Variants in MAGI2 observed in about 807,000 individuals in gnomAD.
MAGI2 encodes the protein membrane associated guanylate kinase, WW and PDZ domain containing 2.
In MAGI2, 35 loss-of-function variants were observed where a neutral mutation model predicts 133.3. The ratio of observed to expected loss-of-function variants is 0.26; its 90% CI spans 0.20 to 0.35. The LOEUF (loss-of-function observed/expected upper bound fraction) is 0.35. Ranked by LOEUF, MAGI2 falls within the 10% of genes least tolerant of loss-of-function variation. The probability of loss-of-function intolerance (pLI) is 1.00; values close to 1 mark genes in which losing one functional copy is unlikely to be tolerated. For missense variants in MAGI2, 1,636 were observed against 1,863.4 expected, an observed-to-expected ratio of 0.88 and a Z score of 2.25; for synonymous variants, 729 against 710.6, an observed-to-expected ratio of 1.03 and a Z score of -0.41.
chr7:78,048,198 G>A (rs891181622), intron 21 of MAGI2, among the ~76,000 whole-genome samples: 4 of 152,134 alleles, frequency 2.6e-5, no homozygotes, highest in African/African-American at 9.7e-5. Flanking sequence ...GCAACCAAAT[G>A]GACATTATGA....
chr7:78,667,645 G>A (rs1300875617), intron 2 of MAGI2, among the ~76,000 whole-genome samples: 1 of 150,846 alleles, frequency 6.6e-6, no homozygotes, highest in East Asian at 2.0e-4. Context: ...GCAGTGTTTG[G>A]TTTTTTGTCC....
At position 78,019,275 on chromosome 7, in the gene MAGI2, G is replaced by A. The variant is rs1450847977; in HGVS notation, c.*40C>T. The A allele has an allele frequency of 2.5e-6, 4 of 1,574,264 alleles. No individual in the cohort carries two copies. The highest frequency in any genetic ancestry group is 3.4e-6 in the Non-Finnish European group (4 of 1,169,058). ...CGTGAGACGGAACCTAAGAAGAACT[G>A]CCTGCGCCGGGGCGGGCGGGTTGGC... is the stretch of plus-strand genomic sequence containing the variant. On this transcript the variant is annotated 3_prime_UTR_variant, in exon 22 of 22. Transcript: ENST00000354212.
chr7:79,198,922 G>T (rs921266616), intron 1 of MAGI2, among the ~76,000 whole-genome samples: 2 of 151,742 alleles, frequency 1.3e-5, no homozygotes, highest in African/African-American at 4.9e-5. Flanking sequence ...TAAAAGAGAT[G>T]CAGGACCATT....
intron 2 of MAGI2, among the ~76,000 whole-genome samples, chr7:78,931,148 G>A (rs890049872): frequency 6.6e-6 from 1 of 152,090 alleles, no homozygotes; most frequent in African/African-American, 2.4e-5. Flanking sequence ...ATGTGTAATT[G>A]TCAGCCAGAC....
At position 78,859,245 on chromosome 7, in the gene MAGI2, G is replaced by C. The variant is rs188111221; in HGVS notation, c.418+147845C>G. On this transcript the variant is annotated intron_variant, in intron 2 of 21. Coordinates refer to ENST00000354212, the MANE Select transcript of MAGI2 (RefSeq NM_012301.4). ...GAGCATTTAGCCCATTTACATTTAA[G>C]GTTAATATTGTTATGTGTGAATTTG... Among the ~76,000 whole-genome samples the C allele has an allele frequency of 7.2e-3, 1,097 of 152,152 alleles. 12 individuals carry two copies. Among genetic ancestry groups the C allele is most frequent in the African/African-American group, 0.025 (1,050 of 41,502 alleles).
intron 9 of MAGI2, among the ~76,000 whole-genome samples, chr7:78,312,088 A>G (rs1208852976): frequency 6.6e-6 from 1 of 152,134 alleles, no homozygotes; most frequent in Admixed American, 6.6e-5. Context: ...TAATCTGTTA[A>G]AGGAACAGAA....
Position 78,490,712 on chromosome 7 carries a change from T to C in MAGI2, c.966-872A>G, listed in dbSNP as rs367622527. On this transcript the variant is annotated intron_variant, in intron 5 of 21. Coordinates refer to ENST00000354212, the MANE Select transcript of MAGI2 (RefSeq NM_012301.4). ...CTCCATCACTGGCAAGCACTCCCAG[T>C]ACTTCTTATGCACATTACAATTCAA... 3.9e-5 allele frequency among the ~76,000 whole-genome samples: 6 copies of C among 152,268 alleles called. No individual in the cohort carries two copies. In the South Asian group the frequency reaches 1.2e-3, roughly 32 times the overall value.
intron 21 of MAGI2, among the ~76,000 whole-genome samples, chr7:78,029,586 C>T (rs1809342227): frequency 6.6e-6 from 1 of 152,226 alleles, no homozygotes; most frequent in African/African-American, 2.4e-5. Flanking sequence ...ACCCTGAGTC[C>T]CAACCGCAGA....
chr7:79,176,956 A>G (rs1826153310), intron 1 of MAGI2: 1 of 151,988 alleles, frequency 6.6e-6, no homozygotes, highest in African/African-American at 2.4e-5. Context: ...AGCAAACTGA[A>G]CCTTGTTTTT....
chr7:78,702,899 G>C (rs1054645657), intron 2 of MAGI2, among the ~76,000 whole-genome samples: 5 of 149,768 alleles, frequency 3.3e-5, no homozygotes, highest in Non-Finnish European at 7.4e-5. Flanking sequence ...TGGGGCTAGA[G>C]GCAGATTTGG....
chr7:79,239,570 C>T (rs377063195), intron 1 of MAGI2, among the ~76,000 whole-genome samples: 10 of 152,092 alleles, frequency 6.6e-5, no homozygotes, highest in Admixed American at 6.6e-4. Flanking sequence ...TTTGGAAGAA[C>T]AGAATGTGTA....
intron 7 of MAGI2, among the ~76,000 whole-genome samples, chr7:78,354,720 C>T (rs1288683929): frequency 6.6e-6 from 1 of 151,962 alleles, no homozygotes; most frequent in Non-Finnish European, 1.5e-5. Context: ...ATAGCAATTC[C>T]TTTTATATGC....
At chr7:78,587,096 A>C (rs998514463) in intron 3 of MAGI2, among the ~76,000 whole-genome samples, 1 of 152,210 alleles carries the variant, frequency 6.6e-6, no homozygotes, top group Non-Finnish European at 1.5e-5. Flanking sequence ...GTATATACCC[A>C]GAAGTGAAAT....
chr7:78,395,258 A>G (rs566322808), intron 6 of MAGI2, among the ~76,000 whole-genome samples: 4 of 152,344 alleles, frequency 2.6e-5, no homozygotes, highest in Non-Finnish European at 2.9e-5. Flanking sequence ...AAAAGAGGAT[A>G]AGATATAGTG....
At chr7:79,418,105 G>A (rs1029156138) in intron 1 of MAGI2, among the ~76,000 whole-genome samples, 2 of 151,974 alleles carry the variant, frequency 1.3e-5, no homozygotes, top group Admixed American at 6.6e-5. Flanking sequence ...GAAATTAATC[G>A]TGTCATATTT....
At chr7:79,051,093 T>C (rs576072561) in intron 1 of MAGI2, among the ~76,000 whole-genome samples, 18 of 152,304 alleles carry the variant, frequency 1.2e-4, no homozygotes, top group African/African-American at 4.3e-4. Flanking sequence ...CTGATACTTT[T>C]TTACCAAGTA....
intron 21 of MAGI2, among the ~76,000 whole-genome samples, chr7:78,021,278 T>A (rs566754538): frequency 6.6e-6 from 1 of 152,278 alleles, no homozygotes; most frequent in South Asian, 2.1e-4. Flanking sequence ...AGAGTGTAAT[T>A]TTTCTTCCAC....
intron 6 of MAGI2, among the ~76,000 whole-genome samples, chr7:78,419,967 T>A (rs1343235844): frequency 1.3e-5 from 2 of 152,162 alleles, no homozygotes; most frequent in Non-Finnish European, 2.9e-5. Flanking sequence ...TAAAGTGACC[T>A]AATTTGTCCT....
At chr7:78,532,400 C>T (rs1450669583) in intron 3 of MAGI2, among the ~76,000 whole-genome samples, 16 of 152,330 alleles carry the variant, frequency 1.1e-4, no homozygotes, top group Non-Finnish European at 1.5e-5. Flanking sequence ...TTTGCACAGT[C>T]CCTTCTGGGA....
Sources: allele counts gnomAD v4.1 joint callset (sites outside exome capture counted in the v4.1 genomes callset), GRCh38; gene constraint gnomAD v4.1.1; transcripts MANE v1.5; gene names NCBI Gene and HGNC (gene_info 2026-07-23, HGNC 2026-07-21).